The following LRRC69 variants were observed in gnomAD, a reference collection of about 807,000 sequenced individuals.
The protein encoded by LRRC69 is leucine-rich repeat-containing protein 69.
LRRC69 carries 42 observed loss-of-function variants against 37.8 expected under a neutral mutation model. The ratio of observed to expected loss-of-function variants is 1.11; its 90% CI spans 0.87 to 1.44. The LOEUF (loss-of-function observed/expected upper bound fraction) is 1.44. LRRC69 is among the 40% of genes most tolerant of loss of function. LRRC69 has a pLI of 0.00. For synonymous variants in LRRC69, 141 were observed against 143.1 expected (o/e 0.99, Z 0.11); for missense variants, 357 against 401.9 (o/e 0.89, Z 0.96).
chr8:91,209,464 TAAA>T (rs1809865511), intron 7 of LRRC69: 1 of 151,602 alleles, frequency 6.6e-6, no homozygotes, highest in Non-Finnish European at 1.5e-5. Flanking sequence ...AATAAATAAA[TAAA>T]TAAAAAAGCC....
chr8:91,203,160 C>G (rs1809738872), intron 7 of LRRC69, among the ~76,000 whole-genome samples: 1 of 152,012 alleles, frequency 6.6e-6, no homozygotes, highest in Non-Finnish European at 1.5e-5. Context: ...AGACTCCTAT[C>G]TAGTCTGTTA....
chr8:91,211,225 TA>T (rs761746194), intron 7 of LRRC69, among the ~76,000 whole-genome samples: 3 of 152,050 alleles, frequency 2.0e-5, no homozygotes, highest in Non-Finnish European at 4.4e-5. Context: ...TTTTGCTTTA[TA>T]AAAACCATGG....
rs183339898 is a variant in LRRC69 at position 91,148,230 on chromosome 8, C to T, written c.651+12491C>T. On this transcript the variant is annotated intron_variant, in intron 5 of 7. Coordinates refer to ENST00000448384, the Ensembl canonical transcript of LRRC69. ...TATATCTCCTAATGCTATACCTCCC[C>T]GCTCCCCCCACCCCACATCAGGCCC... Among the ~76,000 whole-genome samples the T allele has an allele frequency of 2.8e-3, 417 of 151,170 alleles. 3 individuals are homozygous for T. The highest frequency in any genetic ancestry group is 9.5e-3 in the African/African-American group (394 of 41,390).
intron 5 of LRRC69, among the ~76,000 whole-genome samples, 184 bp from the exon 6 acceptor site, chr8:91,189,338 A>G (rs542720220): frequency 1.3e-5 from 2 of 152,246 alleles, no homozygotes; most frequent in South Asian, 2.1e-4. Flanking sequence ...TATGCTTCTG[A>G]TAAGTAGAGT....
chr8:91,127,415 C>T (rs1813735688), intron 3 of LRRC69, among the ~76,000 whole-genome samples: 1 of 151,748 alleles, frequency 6.6e-6, no homozygotes, highest in Non-Finnish European at 1.5e-5. Flanking sequence ...CTGATGGTCT[C>T]ATTGATTTCC....
chr8:91,186,205 G>A (rs1276729702), intron 5 of LRRC69, among the ~76,000 whole-genome samples: 2 of 152,168 alleles, frequency 1.3e-5, no homozygotes, highest in Non-Finnish European at 2.9e-5. Context: ...ACTAGGCATT[G>A]AATTTTGAGC....
intron 5 of LRRC69, among the ~76,000 whole-genome samples, chr8:91,152,096 GC>G (rs960278262): frequency 2.0e-5 from 3 of 151,174 alleles, no homozygotes; most frequent in Non-Finnish European, 4.4e-5. Flanking sequence ...TTGCCTGTTC[GC>G]TCTGGTGATA....
At chr8:91,165,779 C>G (rs555283751) in intron 5 of LRRC69, among the ~76,000 whole-genome samples, 1 of 151,766 alleles carries the variant, frequency 6.6e-6, no homozygotes, top group Non-Finnish European at 1.5e-5. Flanking sequence ...TGGAATCAGA[C>G]AAACTTGGGT....
At chr8:91,206,851 T>C in intron 7 of LRRC69, 1 of 1,284,554 alleles carries the variant, frequency 7.8e-7, no homozygotes, top group Non-Finnish European at 1.0e-6. Context: ...AACCAAGTAA[T>C]TTTGCCAATT....
chr8:91,212,641 G>T (rs985790833), intron 7 of LRRC69, among the ~76,000 whole-genome samples: 3 of 152,060 alleles, frequency 2.0e-5, no homozygotes, highest in Non-Finnish European at 2.9e-5. Flanking sequence ...AGTTATTACT[G>T]TTAAGATACC....
chr8:91,151,230 TA>T (rs1808731185), intron 5 of LRRC69, among the ~76,000 whole-genome samples: 2 of 151,774 alleles, frequency 1.3e-5, no homozygotes, highest in African/African-American at 2.4e-5. Context: ...TTTAGTGCTA[TA>T]AATTTCCCTC....
intron 7 of LRRC69, among the ~76,000 whole-genome samples, chr8:91,215,755 C>T (rs1255084525): frequency 1.3e-5 from 2 of 152,096 alleles, no homozygotes; most frequent in African/African-American, 4.8e-5. Context: ...TAAACAATGA[C>T]AAAAGCAGTA....
intron 5 of LRRC69, among the ~76,000 whole-genome samples, chr8:91,149,377 C>T (rs1442036342): frequency 6.6e-6 from 1 of 151,926 alleles, no homozygotes. Flanking sequence ...TCAGGTTTGT[C>T]AAAGATCAGG....
intron 5 of LRRC69, among the ~76,000 whole-genome samples, chr8:91,138,468 A>AT (rs1489730621): frequency 6.6e-6 from 1 of 151,598 alleles, no homozygotes; most frequent in Admixed American, 6.6e-5. Context: ...TAAAATAGGT[A>AT]TTTATTTAAG....
At chr8:91,183,645 G>A (rs546346554) in intron 5 of LRRC69, among the ~76,000 whole-genome samples, 2 of 152,256 alleles carry the variant, frequency 1.3e-5, no homozygotes, top group Non-Finnish European at 2.9e-5. Flanking sequence ...AAAGTGCAAA[G>A]AGAATGTAGT....
chr8:91,153,683 T>C, intron 5 of LRRC69, among the ~76,000 whole-genome samples: 1 of 151,516 alleles, frequency 6.6e-6, no homozygotes, highest in South Asian at 2.1e-4. Context: ...AAAGAGACAA[T>C]GTACCAGAAT....
chr8:91,118,656 C>T (rs1813561936), intron 1 of LRRC69: 1 of 166,828 alleles, frequency 6.0e-6, no homozygotes, highest in South Asian at 1.4e-4. Flanking sequence ...ATAACCATAT[C>T]AATTTCCAAG....
rs181238503 is a variant in LRRC69, at chr8:91,203,847, C to T, written c.933+3055C>T. ...TTTTATGAAGATTTCTAGCCGGGCA[C>T]GGTGGCTCACGCCTGTAATCCCAGC... On this transcript the variant is annotated intron_variant, in intron 7 of 7. Coordinates refer to ENST00000448384, the Ensembl canonical transcript of LRRC69. 2.2e-3 allele frequency among the ~76,000 whole-genome samples: 328 copies of T among 151,752 alleles called. 1 individual carries two copies. Among genetic ancestry groups the T allele is most frequent in the African/African-American group, 7.3e-3 (303 of 41,366 alleles).
intron 6 of LRRC69, among the ~76,000 whole-genome samples, chr8:91,196,973 T>G (rs1809614433): frequency 6.6e-6 from 1 of 151,872 alleles, no homozygotes; most frequent in African/African-American, 2.4e-5. Flanking sequence ...CTTTGTGGTT[T>G]TATCTACTTT....
Sources: allele counts gnomAD v4.1 joint callset (sites outside exome capture counted in the v4.1 genomes callset), GRCh38; gene constraint gnomAD v4.1.1; transcripts MANE v1.5; gene names NCBI Gene and HGNC (gene_info 2026-07-23, HGNC 2026-07-21).